CHST11: variants seen among roughly 807,000 people sequenced by gnomAD.
CHST11 encodes carbohydrate sulfotransferase 11, also known as C4S-1.
CHST11 carries 9 observed loss-of-function variants against 30.4 expected under a neutral mutation model. The observed-to-expected ratio is 0.30, with a 90% CI of 0.18 to 0.52. CHST11 has a LOEUF of 0.52. Ranked by LOEUF, CHST11 falls within the 20% of genes least tolerant of loss-of-function variation. The probability of loss-of-function intolerance (pLI) is 0.97; values close to 1 mark genes in which losing one functional copy is unlikely to be tolerated. For synonymous variants in CHST11, 152 were observed against 187.8 expected (o/e 0.81, Z 1.56); for missense variants, 348 against 460.6 (o/e 0.76, Z 2.24).
chr12:104,587,099 A>T (rs2038813221), intron 1 of CHST11, among the ~76,000 whole-genome samples: 1 of 152,172 alleles, frequency 6.6e-6, no homozygotes, highest in Non-Finnish European at 1.5e-5. Context: ...AATTCCTATC[A>T]GTTATCTTCT....
intron 1 of CHST11, among the ~76,000 whole-genome samples, chr12:104,564,008 T>C (rs2038537851): frequency 6.6e-6 from 1 of 152,126 alleles, no homozygotes; most frequent in Admixed American, 6.5e-5. Flanking sequence ...GGGACAGTTA[T>C]TTGAGATCTA....
chr12:104,619,955 A>G (rs1420806145), intron 2 of CHST11, among the ~76,000 whole-genome samples: 2 of 152,226 alleles, frequency 1.3e-5, no homozygotes, highest in African/African-American at 4.8e-5. Flanking sequence ...TCCCTTAGCC[A>G]ATAGGTGAGC....
At chr12:104,595,806 G>C (rs934800261) in intron 1 of CHST11, among the ~76,000 whole-genome samples, 4 of 152,212 alleles carry the variant, frequency 2.6e-5, no homozygotes, top group African/African-American at 9.7e-5. Flanking sequence ...AGATTAGGAA[G>C]TTGACCCAAG....
At chr12:104,734,599 A>G (rs527353670) in intron 2 of CHST11, among the ~76,000 whole-genome samples, 9 of 152,182 alleles carry the variant, frequency 5.9e-5, no homozygotes, top group South Asian at 2.1e-4. Flanking sequence ...TTCCAGTCCC[A>G]TGTTTCTTAC....
intron 2 of CHST11, among the ~76,000 whole-genome samples, chr12:104,696,507 A>AAAAAAAAAAC (rs2039948667): frequency 7.2e-6 from 1 of 138,676 alleles, no homozygotes; most frequent in African/African-American, 2.7e-5. Flanking sequence ...AAAAAAAAAA[A>AAAAAAAAAAC]CATAGCTGGG....
intron 1 of CHST11, among the ~76,000 whole-genome samples, chr12:104,542,772 G>A (rs1054501804): frequency 6.6e-6 from 1 of 152,142 alleles, no homozygotes; most frequent in Non-Finnish European, 1.5e-5. Context: ...ATGTGGCTTC[G>A]TTACCTCTTC....
intron 2 of CHST11, among the ~76,000 whole-genome samples, chr12:104,751,298 C>T (rs1290630856): frequency 1.3e-5 from 2 of 152,180 alleles, no homozygotes; most frequent in African/African-American, 4.8e-5. Flanking sequence ...ATCTTAGTAA[C>T]TTATTGCCTT....
intron 1 of CHST11, among the ~76,000 whole-genome samples, chr12:104,499,420 G>A (rs2037831443): frequency 6.6e-6 from 1 of 152,084 alleles, no homozygotes; most frequent in African/African-American, 2.4e-5. Context: ...CCAGGTCCTG[G>A]GCTGTTCTCC....
chr12:104,633,288 G>A (rs12810277), intron 2 of CHST11, among the ~76,000 whole-genome samples: 18,887 of 152,032 alleles, frequency 0.12, 2,290 homozygotes, highest in African/African-American at 0.32. Flanking sequence ...CTCCTATTAA[G>A]CAATTAAAAG....
chr12:104,524,452 A>G (rs2038104272), intron 1 of CHST11, among the ~76,000 whole-genome samples: 1 of 152,176 alleles, frequency 6.6e-6, no homozygotes, highest in South Asian at 2.1e-4. Flanking sequence ...CAGAAAACAG[A>G]CATAGACACG....
Position 104,703,618 on chromosome 12 carries a change from A to G in CHST11, c.205-53331A>G, listed in dbSNP as rs377537521. 2.2e-4 allele frequency among the ~76,000 whole-genome samples: 33 copies of G among 152,276 alleles called. No individual in the cohort carries two copies. The East Asian group carries it at 5.8e-3, about 27-fold the overall frequency. The stretch of plus-strand genomic sequence containing the variant: ...GCTGGTCTACAGCGTAAGTCGGATC[A>G]TGTTCCTCCCACACTCACACCTCCA... On this transcript the variant is annotated intron_variant, in intron 2 of 2. Coordinates refer to ENST00000303694, the MANE Select transcript of CHST11 (RefSeq NM_018413.6).
intron 2 of CHST11, among the ~76,000 whole-genome samples, chr12:104,625,322 G>C (rs1302728676): frequency 6.6e-6 from 1 of 152,044 alleles, no homozygotes; most frequent in Non-Finnish European, 1.5e-5. Context: ...TTCTTTTTCT[G>C]AGACGGAGTT....
At chr12:104,659,922 C>T (rs1193757669) in intron 2 of CHST11, among the ~76,000 whole-genome samples, 4 of 150,820 alleles carry the variant, frequency 2.7e-5, no homozygotes, top group Non-Finnish European at 5.9e-5. Context: ...TTTGAGGTTA[C>T]AGTGAGCTAT....
rs1402639818 is a variant in CHST11 at position 104,544,746 on chromosome 12, A to G, written c.119-57160A>G. On this transcript the variant is annotated intron_variant, in intron 1 of 2. Transcript: ENST00000303694. ...AAGAAATCAGAAATTTGAGCAGTCA[A>G]TGATGTGCCCTGGGGGTCACAGTCC... 9.6e-5 allele frequency among the ~76,000 whole-genome samples: 8 copies of G among 83,040 alleles called. No homozygotes were observed. The South Asian group carries it at 1.8e-3, about 19-fold the overall frequency. The allele number at this position is 83,040 out of a possible 152,430, so 54.5% of individuals were successfully genotyped here.
chr12:104,673,954 C>G (rs140237644), intron 2 of CHST11, among the ~76,000 whole-genome samples: 143 of 152,322 alleles, frequency 9.4e-4, no homozygotes, highest in African/African-American at 3.2e-3. Flanking sequence ...TTCTTCCCTG[C>G]CCGTGTCTTT....
intron 2 of CHST11, among the ~76,000 whole-genome samples, chr12:104,711,534 T>C (rs1029209799): frequency 1.3e-5 from 2 of 152,102 alleles, no homozygotes; most frequent in Non-Finnish European, 1.5e-5. Context: ...AAGGACAATG[T>C]CAGCCAATTT....
intron 1 of CHST11, among the ~76,000 whole-genome samples, chr12:104,494,283 G>A (rs2037778377): frequency 6.6e-6 from 1 of 152,176 alleles, no homozygotes; most frequent in South Asian, 2.1e-4. Context: ...AAAGGCAGGA[G>A]CTTGTGAGCT....
chr12:104,543,311 C>T (rs1385266153), intron 1 of CHST11, among the ~76,000 whole-genome samples: 1 of 152,224 alleles, frequency 6.6e-6, no homozygotes, highest in Non-Finnish European at 1.5e-5. Flanking sequence ...TCCCCCTAGG[C>T]CCACGCCCAA....
At chr12:104,523,163 T>C (rs1016739791) in intron 1 of CHST11, among the ~76,000 whole-genome samples, 2 of 152,272 alleles carry the variant, frequency 1.3e-5, no homozygotes, top group Admixed American at 6.5e-5. Flanking sequence ...CAGAAACTTA[T>C]CTCTGAGATG....
Sources: gnomAD v4.1 joint callset for allele counts (sites outside exome capture counted in the v4.1 genomes callset) on GRCh38, gnomAD v4.1.1 for gene constraint, MANE v1.5 for transcripts, NCBI Gene and HGNC (gene_info 2026-07-23, HGNC 2026-07-21) for gene names.